Variants in COA6 observed in about 807,000 individuals in gnomAD.
The protein encoded by COA6 is cytochrome c oxidase assembly factor 6 homolog.
COA6 carries 12 observed loss-of-function variants against 17.1 expected under a neutral mutation model. That is an observed-to-expected ratio of 0.70 (90% CI 0.45 to 1.14). COA6 has a LOEUF of 1.14. COA6 is among the 50% of genes most tolerant of loss of function. The pLI, the probability that COA6 is intolerant of heterozygous loss-of-function variation, is 0.00. For synonymous variants in COA6, 90 were observed against 73.4 expected (o/e 1.23, Z -1.16); for missense variants, 246 against 196.5 (o/e 1.25, Z -1.51).
chr1:234,373,901 G>C (rs1658697115), intron 1 of COA6: 3 of 1,568,188 alleles, frequency 1.9e-6, no homozygotes, highest in Admixed American at 3.6e-5. Flanking sequence ...TGGGAAACGG[G>C]CTCGGAGAGA....
chr1:234,383,895 A>C lies in COA6; in HGVS notation c.*77A>C, dbSNP rs927903730. ...TGACTATGGAACAGTAATAGTTTGA[A>C]TCATAGTGAACATCAATACTTGTTC... On this transcript the variant is annotated 3_prime_UTR_variant, in exon 3 of 3. Coordinates refer to ENST00000366615, the MANE Select transcript of COA6 (RefSeq NM_001206641.3). The C allele has an allele frequency of 6.9e-6, 5 of 719,736 alleles. No individual in the cohort carries two copies. The highest frequency in any genetic ancestry group is 1.2e-5 in the Non-Finnish European group (5 of 413,260). 44.6% of individuals were successfully genotyped at this position (719,736 alleles called of 1,614,324 possible).
intron 1 of COA6, chr1:234,373,934 C>A: frequency 7.0e-7 from 1 of 1,421,006 alleles, no homozygotes; most frequent in South Asian, 1.3e-5. Context: ...CCCTAAGCGA[C>A]TGGGACAGAA....
rs974228997 is a variant in COA6 at position 234,384,467 on chromosome 1, A to G, written c.*649A>G. On this transcript the variant is annotated 3_prime_UTR_variant, in exon 3 of 3. Transcript: ENST00000366615. The stretch of plus-strand genomic sequence containing the variant: ...AAAGAGCTCCTAGAACTATAAGTCA[A>G]TCATAGAAAGGTTGCAGGAAACAAG... 6.6e-6 allele frequency among the ~76,000 whole-genome samples: 1 copy of G among 152,190 alleles called. No homozygotes were observed. The highest frequency in any genetic ancestry group is 1.9e-4 in the East Asian group (1 of 5,206).
rs753057542 is a variant in COA6, at chr1:234,373,481, G to A, written c.15G>A (p.Lys5=). The change falls in exon 1 of 3, where the codon AAG becomes AAA. Residue 5 remains lysine (K), a synonymous_variant. Coordinates refer to ENST00000366615, the MANE Select transcript of COA6 (RefSeq NM_001206641.3). ...ATGGAAAGTAAATGGTAGCTCGGAAGGGTCAAAAGAGTCCGCGGTTTCGCC... is the reference window on the plus strand; with the variant it reads ...ATGGAAAGTAAATGGTAGCTCGGAAAGGTCAAAAGAGTCCGCGGTTTCGCC... MVAR[K]GQKSPRFRRV... 3.7e-5 allele frequency: 57 copies of A among 1,555,122 alleles called. No individual in the cohort carries two copies. The highest frequency in any genetic ancestry group is 2.2e-5 in the Non-Finnish European group (25 of 1,150,878).
intron 2 of COA6, among the ~76,000 whole-genome samples, chr1:234,381,107 T>G (rs538479990): frequency 4.6e-5 from 7 of 152,228 alleles, no homozygotes; most frequent in Non-Finnish European, 8.8e-5. Flanking sequence ...CAACCAGATA[T>G]CCAAGATCTT....
At chr1:234,374,112 G>GTTTTTTTTT in intron 1 of COA6, 118 bp from the exon 2 acceptor site, 17 of 861,676 alleles carry the variant, frequency 2.0e-5, no homozygotes, top group East Asian at 5.7e-5. Flanking sequence ...TTTTGTTTTT[G>GTTTTTTTTT]TTTTTTTTTT....
Position 234,373,535 on chromosome 1 carries a change from G to C in COA6, c.69G>C (p.Arg23Ser). 1.2e-6 allele frequency: 2 copies of C among 1,610,368 alleles called. No individual in the cohort carries two copies. The highest frequency in any genetic ancestry group is 1.7e-4 in the Middle Eastern group (1 of 6,052). Residue 23 changes from arginine (R) to serine (S), a missense_variant, in exon 1 of 3, where the codon AGG (arginine) becomes AGC (serine). Coordinates refer to ENST00000366615, the MANE Select transcript of COA6 (RefSeq NM_001206641.3). The part of the protein sequence containing the change: ...RRVSCFLRLG[R>S]STLLELEPAG... ...TGAGTTGCTTTTTGCGGCTGGGGAG[G>C]TCTACGCTTCTAGAGCTTGAGCCAG...
In COA6 at chr1:234,383,720, C is replaced by A; in HGVS notation, c.373-3C>A. On this transcript the variant is annotated splice_polypyrimidine_tract_variant and splice_region_variant and intron_variant, in intron 2 of 2. Transcript: ENST00000366615. ...TATTTCAAATCCTTTTTTTTTCCAA[C>A]AGATAAAATATTTTGATAAAAGAAG... is the stretch of plus-strand genomic sequence containing the variant. 1.6e-6 allele frequency: 2 copies of A among 1,237,200 alleles called. No homozygotes were observed. Among genetic ancestry groups the A allele is most frequent in the South Asian group, 1.3e-5 (1 of 78,318 alleles). 76.6% of individuals were successfully genotyped at this position (1,237,200 alleles called of 1,614,324 possible).
intron 2 of COA6, among the ~76,000 whole-genome samples, chr1:234,376,888 C>A (rs972939519): frequency 3.9e-5 from 6 of 152,158 alleles, no homozygotes; most frequent in African/African-American, 1.4e-4. Flanking sequence ...GAAGTCCCAG[C>A]TTATGTGTTG....
intron 2 of COA6, among the ~76,000 whole-genome samples, chr1:234,382,808 C>T (rs1042201360): frequency 2.0e-5 from 3 of 152,066 alleles, no homozygotes; most frequent in African/African-American, 2.4e-5. Context: ...AGTTCGAGAC[C>T]AGCCTGGCCA....
chr1:234,376,846 G>A (rs190519288), intron 2 of COA6, among the ~76,000 whole-genome samples: 10 of 152,218 alleles, frequency 6.6e-5, no homozygotes, highest in East Asian at 5.8e-4. Context: ...CTACTCACTC[G>A]ACCAAGGCAA....
chr1:234,379,077 G>A (rs1449772039), intron 2 of COA6, among the ~76,000 whole-genome samples: 2 of 139,670 alleles, frequency 1.4e-5, no homozygotes. Context: ...TGTGATCTTT[G>A]CCATGTTGCC....
rs1558123672 is a variant in COA6, at chr1:234,374,125, T to TAG, written c.213-105_213-104insAG. On this transcript the variant is annotated intron_variant, in intron 1 of 2. Coordinates refer to ENST00000366615, the MANE Select transcript of COA6 (RefSeq NM_001206641.3). ...TGTTTTGTTTTTGTTTTTTTTTTTT[T>TAG]TTTTAGTTTTAAAGGAAGAGGAGAT... 636 of 1,195,994 alleles carry TAG rather than the reference T, an allele frequency of 5.3e-4. 3 individuals carry two copies. The East Asian group carries it at 0.011, about 21-fold the overall frequency. The allele number at this position is 1,195,994 out of a possible 1,614,324, so 74.1% of individuals were successfully genotyped here. A position where few individuals can be genotyped will look rare whatever the true frequency, so the allele number is the denominator to read the frequency against.
In COA6 at chr1:234,383,926, A is replaced by G. The variant is rs1475036256; in HGVS notation, c.*108A>G. The G allele has an allele frequency of 1.9e-6, 1 of 520,094 alleles. No individual in the cohort carries two copies. Among genetic ancestry groups the G allele is most frequent in the Non-Finnish European group, 3.5e-6 (1 of 284,702 alleles). The allele number at this position is 520,094 out of a possible 1,614,324, so 32.2% of individuals were successfully genotyped here. On this transcript the variant is annotated 3_prime_UTR_variant, in exon 3 of 3. Transcript: ENST00000366615. ...GTGAACATCAATACTTGTTCCCTAT[A>G]TACGACACTTGATAATTAAGATGAT...
chr1:234,373,904 C>T, intron 1 of COA6: 1 of 1,561,616 alleles, frequency 6.4e-7, no homozygotes, highest in Non-Finnish European at 8.7e-7. Context: ...GAAACGGGCT[C>T]GGAGAGAATA....
At position 234,373,513 on chromosome 1, in the gene COA6, G is replaced by T. The variant is rs10910420; in HGVS notation, c.47G>T (p.Ser16Ile). Reference sequence around the variant, plus strand: ...AAGAGTCCGCGGTTTCGCCGCGTGAGTTGCTTTTTGCGGCTGGGGAGGTCT... The same window carrying T: ...AAGAGTCCGCGGTTTCGCCGCGTGATTTGCTTTTTGCGGCTGGGGAGGTCT... The part of the protein sequence containing the change: ...GQKSPRFRRV[S>I]CFLRLGRSTL... The change falls in exon 1 of 3, where the codon AGT (serine) becomes ATT (isoleucine). Residue 16 changes from serine (S) to isoleucine (I), a missense_variant. Transcript: ENST00000366615. 2.5e-6 allele frequency: 4 copies of T among 1,605,498 alleles called. No individual in the cohort carries two copies. The South Asian group carries it at 4.4e-5, about 18-fold the overall frequency.
chr1:234,383,669 C>A, intron 2 of COA6, 54 bp from the exon 3 acceptor site: 1 of 741,480 alleles, frequency 1.3e-6, no homozygotes, highest in Non-Finnish European at 2.4e-6. Flanking sequence ...TGTGCTTTTG[C>A]TTATCTAAGC....
At chr1:234,382,068 G>A (rs566839205) in intron 2 of COA6, among the ~76,000 whole-genome samples, 1 of 152,202 alleles carries the variant, frequency 6.6e-6, no homozygotes, top group African/African-American at 2.4e-5. Context: ...ACACACCAGA[G>A]AACTGTGGGC....
chr1:234,377,562 G>A (rs913305779), intron 2 of COA6, among the ~76,000 whole-genome samples: 3 of 152,168 alleles, frequency 2.0e-5, no homozygotes, highest in Non-Finnish European at 4.4e-5. Flanking sequence ...CGGGACCTGC[G>A]TGTCACCCTC....
Sources: gnomAD v4.1 joint callset for allele counts (sites outside exome capture counted in the v4.1 genomes callset) on GRCh38, gnomAD v4.1.1 for gene constraint, MANE v1.5 for transcripts, NCBI Gene and HGNC (gene_info 2026-07-23, HGNC 2026-07-21) for gene names.